The following EPHA2 variants were observed in gnomAD, a reference collection of about 807,000 sequenced individuals.
The protein encoded by EPHA2 is EPH receptor A2.
EPHA2 carries 54 observed loss-of-function variants against 104.9 expected under a neutral mutation model. The observed-to-expected ratio is 0.51, with a 90% CI of 0.41 to 0.65. The LOEUF (loss-of-function observed/expected upper bound fraction) is 0.65, where lower values mean the gene tolerates loss of function less well. Among genes scored for constraint, EPHA2 ranks in the 30% least tolerant of loss-of-function variants. EPHA2 has a pLI of 0.00. For synonymous variants in EPHA2, 560 were observed against 559.1 expected, an observed-to-expected ratio of 1.00 and a Z score of -0.02; for missense variants, 1,117 against 1,369.5, an observed-to-expected ratio of 0.82 and a Z score of 2.91.
At position 16,131,588 on chromosome 1, in the gene EPHA2, A is replaced by T. The variant is rs147610760; in HGVS notation, c.2475+133T>A. 4.2e-4 allele frequency: 569 copies of T among 1,352,006 alleles called. 3 individuals are homozygous for T. In the Middle Eastern group the frequency reaches 5.8e-3, roughly 14 times the overall value. The allele number at this position is 1,352,006 out of a possible 1,614,324, so 83.8% of individuals were successfully genotyped here. A position where few individuals can be genotyped will look rare whatever the true frequency, so the allele number is the denominator to read the frequency against. On this transcript the variant is annotated intron_variant, in intron 14 of 16. Coordinates refer to ENST00000358432, the MANE Select transcript of EPHA2 (RefSeq NM_004431.5). This position sits in a 1 kb window ranked among gnomAD's most constrained non-coding sequence, Gnocchi z 5.2. ...AGAGCAAAACTCCGTCTCCAAAAAA[A>T]AAAAATAAACATTTATGGAGCAAGC...
chr1:16,144,165 C>T (rs1028333940), intron 3 of EPHA2, among the ~76,000 whole-genome samples: 2 of 152,128 alleles, frequency 1.3e-5, no homozygotes, highest in African/African-American at 4.8e-5. Context: ...AGGGAGAAGC[C>T]GGTGCCCGCC....
intron 3 of EPHA2, among the ~76,000 whole-genome samples, chr1:16,144,052 C>T (rs1179135431): frequency 1.3e-5 from 2 of 152,170 alleles, no homozygotes; most frequent in African/African-American, 2.4e-5. Context: ...CCCCGCCTAC[C>T]GCTCCTGTCC....
intron 3 of EPHA2, among the ~76,000 whole-genome samples, chr1:16,146,767 G>A (rs2024942319): frequency 6.6e-6 from 1 of 152,222 alleles, no homozygotes; most frequent in Admixed American, 6.5e-5. Context: ...CTTGCTTTAG[G>A]AGGCAAGTAG....
Position 16,156,027 on chromosome 1 carries a change from G to C in EPHA2, c.-95C>G, listed in dbSNP as rs1249476057. The C allele has an allele frequency of 8.9e-7, 1 of 1,123,976 alleles. No individual in the cohort carries two copies. Among genetic ancestry groups the C allele is most frequent in the Non-Finnish European group, 1.2e-6 (1 of 842,512 alleles). 69.6% of individuals were successfully genotyped at this position (1,123,976 alleles called of 1,614,324 possible). ...GCCTCGGTGTCCGCTCCCGCCCGCCGGCCTGCGCGCAACTTCTGCCCCTCC... is the reference window on the plus strand; with the variant it reads ...GCCTCGGTGTCCGCTCCCGCCCGCCCGCCTGCGCGCAACTTCTGCCCCTCC... On this transcript the variant is annotated 5_prime_UTR_variant, in exon 1 of 17. Transcript: ENST00000358432.
rs2024444967 is a variant in EPHA2, at chr1:16,125,332, G to A, written c.2826-12C>T. ...TCCTCTTGATGTCGCTGTGGGCCGG[G>A]AGGGAGAGAGGGAGAGTTAGGGGCT... On this transcript the variant is annotated splice_polypyrimidine_tract_variant and intron_variant, in intron 16 of 16. Coordinates refer to ENST00000358432, the MANE Select transcript of EPHA2 (RefSeq NM_004431.5). The surrounding 1 kb of genome is among the most constrained non-coding windows in gnomAD (Gnocchi z 4.9). 1 of 1,587,206 alleles carries A rather than the reference G, an allele frequency of 6.3e-7. No homozygotes were observed. The highest frequency in any genetic ancestry group is 2.3e-5 in the East Asian group (1 of 43,742).
rs2024662090 is a variant in EPHA2 at position 16,135,287 on chromosome 1, G to T, written c.1429-98C>A. ...CCACCCCAAGCTAGCAAGGTGGCTT[G>T]CCTTTGTTAGCAAACTTGAGGCTCT... On this transcript the variant is annotated intron_variant, in intron 6 of 16. Coordinates refer to ENST00000358432, the MANE Select transcript of EPHA2 (RefSeq NM_004431.5). This position sits in a 1 kb window ranked among gnomAD's most constrained non-coding sequence, Gnocchi z 4.3. 6.7e-7 allele frequency: 1 copy of T among 1,499,564 alleles called. No homozygotes were observed. Among genetic ancestry groups the T allele is most frequent in the Non-Finnish European group, 9.2e-7 (1 of 1,088,274 alleles). The allele number at this position is 1,499,564 out of a possible 1,614,324, so 92.9% of individuals were successfully genotyped here. A position where few individuals can be genotyped will look rare whatever the true frequency, so the allele number is the denominator to read the frequency against.
At chr1:16,129,905 T>C (rs943680392) in intron 15 of EPHA2, among the ~76,000 whole-genome samples, 4 of 152,158 alleles carry the variant, frequency 2.6e-5, no homozygotes, top group Non-Finnish European at 5.9e-5. Flanking sequence ...CTTCCAGCCA[T>C]GTAAGATATT....
In EPHA2 at chr1:16,131,851, C is replaced by G; in HGVS notation, c.2345G>C (p.Arg782Pro). Residue 782 changes from arginine to proline, a missense_variant, in exon 14 of 17, where the codon CGC becomes CCC. By Grantham distance (103) the Arg-to-Pro change is moderately radical. This residue lies in a region of EPHA2 where 340 missense variants were observed against 480.5 expected (regional missense o/e 0.71). Transcript: ENST00000358432. The surrounding 1 kb of genome is among the most constrained non-coding windows in gnomAD (Gnocchi z 5.2). Reference protein sequence around the residue: ...YTTSGGKIPIRWTAPEAISYR... With the variant: ...YTTSGGKIPIPWTAPEAISYR... ...GGAAATGGCCTCCGGGGCGGTCCAG[C>G]GGATGGGGATCTTGCCGCCCTGCAG... The G allele has an allele frequency of 3.1e-6, 5 of 1,613,872 alleles. No individual in the cohort carries two copies. The highest frequency in any genetic ancestry group is 2.2e-5 in the South Asian group (2 of 91,068).
chr1:16,132,032 C>A (rs1557502970), intron 13 of EPHA2, 32 bp downstream of exon 13: 1 of 1,613,994 alleles, frequency 6.2e-7, no homozygotes, highest in Non-Finnish European at 8.5e-7. Flanking sequence ...GCGAAGGCCG[C>A]TTCTCCCTTG....
In EPHA2 at chr1:16,134,551, G is replaced by T; in HGVS notation, c.1599C>A (p.Gly533=). The change falls in exon 8 of 17, where the codon GGC becomes GGA. Residue 533 remains glycine (G), a synonymous_variant. Transcript: ENST00000358432. The surrounding 1 kb of genome is among the most constrained non-coding windows in gnomAD (Gnocchi z 4.5). ...CCACGCCGCCAATCACCGCCAAGTT[G>T]CCAGATCCCTCCGGGGCTGGTGGAA... ...EFQTLSPEGS[G]NLAVIGGVAV... The T allele has an allele frequency of 6.2e-7, 1 of 1,614,050 alleles. No homozygotes were observed.
At position 16,133,276 on chromosome 1, in the gene EPHA2, T is replaced by G; in HGVS notation, c.1957A>C (p.Thr653Pro). 6.2e-7 allele frequency: 1 copy of G among 1,613,916 alleles called. No homozygotes were observed. The highest frequency in any genetic ancestry group is 1.3e-5 in the African/African-American group (1 of 74,988). Residue 653 changes from threonine (T) to proline (P), a missense_variant, in exon 11 of 17, where the codon ACA becomes CCA. Physicochemically the swap from Thr to Pro is conservative, Grantham distance 38. This residue lies in a region of EPHA2 where 340 missense variants were observed against 480.5 expected (regional missense o/e 0.71). Coordinates refer to ENST00000358432, the MANE Select transcript of EPHA2 (RefSeq NM_004431.5). ...AGGAAGTCCACTCGCTGCTTCTCTG[T>G]GTAGCCGGCTTTCAGCGTCTTGATG... ...VAIKTLKAGY[T>P]EKQRVDFLGE...
At chr1:16,151,059 TCAGA>T (rs1333150033) in intron 1 of EPHA2, 96 bp from the exon 2 acceptor site, 10 of 1,258,770 alleles carry the variant, frequency 7.9e-6, no homozygotes, top group Middle Eastern at 1.9e-4. Flanking sequence ...ACCCCAACTC[TCAGA>T]CAGAGCGAGA....
At chr1:16,141,872 CTGACGAGATGTGCT>C (rs1455322178) in intron 3 of EPHA2, among the ~76,000 whole-genome samples, 5 of 152,250 alleles carry the variant, frequency 3.3e-5, no homozygotes, top group Non-Finnish European at 5.9e-5. Context: ...ATGTGCCTGC[CTGACGAGATGTGCT>C]TCCCCTCCTC....
chr1:16,151,619 C>T (rs557674240), intron 1 of EPHA2, among the ~76,000 whole-genome samples: 1 of 152,284 alleles, frequency 6.6e-6, no homozygotes, highest in South Asian at 2.1e-4. Flanking sequence ...AGCCACAGAG[C>T]AGGCAGGATA....
chr1:16,139,011 C>T (rs1377454682), intron 3 of EPHA2, among the ~76,000 whole-genome samples: 2 of 152,216 alleles, frequency 1.3e-5, no homozygotes, highest in Non-Finnish European at 1.5e-5. Context: ...CGGGGCTGAC[C>T]AGGAAGCAGG....
chr1:16,137,706 G>T, intron 5 of EPHA2, 147 bp downstream of exon 5: 1 of 914,072 alleles, frequency 1.1e-6, no homozygotes, highest in Non-Finnish European at 1.7e-6. Flanking sequence ...GTGGCCCACG[G>T]GTTGGACAAG....
chr1:16,135,614 G>A lies in EPHA2; in HGVS notation c.1428+41C>T, dbSNP rs902867023. 1 of 1,576,272 alleles carries A rather than the reference G, an allele frequency of 6.3e-7. No individual in the cohort carries two copies. The highest frequency in any genetic ancestry group is 8.7e-7 in the Non-Finnish European group (1 of 1,145,934). Reference sequence around the variant, plus strand: ...CTATGTGACCAGCCTGTCCCCTGCTGTCGGCCCAGCTAGAGCCAGCCCCGC... The same window carrying A: ...CTATGTGACCAGCCTGTCCCCTGCTATCGGCCCAGCTAGAGCCAGCCCCGC... On this transcript the variant is annotated intron_variant, in intron 6 of 16. Coordinates refer to ENST00000358432, the MANE Select transcript of EPHA2 (RefSeq NM_004431.5). This position sits in a 1 kb window ranked among gnomAD's most constrained non-coding sequence, Gnocchi z 4.3.
chr1:16,132,187 G>A lies in EPHA2; in HGVS notation c.2202C>T (p.Asn734=), dbSNP rs754223881. The A allele has an allele frequency of 1.9e-6, 3 of 1,614,210 alleles. No homozygotes were observed. Among genetic ancestry groups the A allele is most frequent in the Non-Finnish European group, 2.5e-6 (3 of 1,180,046 alleles). The change falls in exon 13 of 17, where the codon AAC becomes AAT. Residue 734 remains asparagine, a synonymous_variant. Coordinates refer to ENST00000358432, the MANE Select transcript of EPHA2 (RefSeq NM_004431.5). The part of the protein sequence containing the change: ...AAGMKYLANM[N]YVHRDLAARN... ...GGGCAGCCAGGTCACGGTGCACATA[G>A]TTCATGTTGGCCAGGTACTTCATGC...
rs1321451005 is a variant in EPHA2 at position 16,128,662 on chromosome 1, G to A, written c.2825+772C>T. Among the ~76,000 whole-genome samples the A allele has an allele frequency of 6.6e-6, 1 of 152,234 alleles. No individual in the cohort carries two copies. The highest frequency in any genetic ancestry group is 1.5e-5 in the Non-Finnish European group (1 of 68,044). The stretch of plus-strand genomic sequence containing the variant: ...GGGTCTCCCCCTTCCTGGGACAGGA[G>A]GAGGTGTCTGTGCCAAGGCCATGCC... On this transcript the variant is annotated intron_variant, in intron 16 of 16. Coordinates refer to ENST00000358432, the MANE Select transcript of EPHA2 (RefSeq NM_004431.5). The surrounding 1 kb of genome is among the most constrained non-coding windows in gnomAD (Gnocchi z 4.7).
Sources: gnomAD v4.1 joint callset for allele counts (sites outside exome capture counted in the v4.1 genomes callset) on GRCh38, gnomAD v4.1.1 for gene constraint, gnomAD v4.1.1 regional missense constraint, Gnocchi (gnomAD v3.1) non-coding constraint, MANE v1.5 for transcripts, NCBI Gene and HGNC (gene_info 2026-07-23, HGNC 2026-07-21) for gene names.